Variants in CELF2 observed in about 807,000 individuals in gnomAD.
CELF2 encodes CUGBP Elav-like family member 2.
A neutral mutation model predicts 62.6 loss-of-function variants in CELF2; 8 were observed. The ratio of observed to expected loss-of-function variants is 0.13; its 90% CI spans 0.07 to 0.23. The LOEUF (loss-of-function observed/expected upper bound fraction) is 0.23. CELF2 is among the 10% of genes least tolerant of loss of function. The probability of loss-of-function intolerance (pLI) is 1.00; values close to 1 mark genes in which losing one functional copy is unlikely to be tolerated. For synonymous variants in CELF2, 258 were observed against 250.0 expected (o/e 1.03, Z -0.30); for missense variants, 333 against 671.0 (o/e 0.50, Z 5.56).
intron 8 of CELF2, among the ~76,000 whole-genome samples, chr10:11,276,138 T>C (rs1185478508): frequency 6.6e-6 from 1 of 152,182 alleles, no homozygotes; most frequent in Non-Finnish European, 1.5e-5. Context: ...CCTTGGGGTT[T>C]GTTTATTTTT....
At chr10:10,690,040 A>G in the CELF2 span, among the ~76,000 whole-genome samples, 1 of 152,208 alleles carries the variant, frequency 6.6e-6, no homozygotes, top group Non-Finnish European at 1.5e-5. Flanking sequence ...GTGGAACATA[A>G]GCTATAATGT....
intron 1 of CELF2, among the ~76,000 whole-genome samples, chr10:11,119,868 C>CCCCCCA (rs1564820249): frequency 7.6e-6 from 1 of 130,770 alleles, no homozygotes; most frequent in Non-Finnish European, 1.7e-5. Context: ...TCCGCCTCCC[C>CCCCCCA]CCCCCCGGCC....
intron 1 of CELF2, among the ~76,000 whole-genome samples, chr10:10,802,507 C>T (rs149093145): frequency 1.1e-4 from 17 of 152,170 alleles, no homozygotes; most frequent in African/African-American, 4.1e-4. Context: ...TAAACTTGAA[C>T]ATATGCTGAG....
the CELF2 span, among the ~76,000 whole-genome samples, chr10:10,695,050 T>G: frequency 6.6e-6 from 1 of 150,544 alleles, no homozygotes; most frequent in Non-Finnish European, 1.5e-5. Flanking sequence ...CCTGTCATTA[T>G]GATGTTAGCT....
intron 1 of CELF2, among the ~76,000 whole-genome samples, chr10:10,877,318 G>A (rs1478669520): frequency 6.6e-6 from 1 of 152,264 alleles, no homozygotes; most frequent in Non-Finnish European, 1.5e-5. Flanking sequence ...TGCCCAAGGT[G>A]ATCAGAGCAC....
At chr10:11,025,239 G>GTGTATATATATATATA (rs61580670) in intron 1 of CELF2, among the ~76,000 whole-genome samples, 20,978 of 140,718 alleles carry the variant, frequency 0.15, 2,444 homozygotes, top group East Asian at 0.58. Context: ...GTGTGTGTGT[G>GTGTATATATATATATA]TATATGTATG....
At chr10:10,628,163 C>A in the CELF2 span, among the ~76,000 whole-genome samples, 1 of 152,152 alleles carries the variant, frequency 6.6e-6, no homozygotes, top group African/African-American at 2.4e-5. Flanking sequence ...CTTGGGCTCC[C>A]AAAGTGCTGA....
chr10:10,507,544 T>C, the CELF2 span, among the ~76,000 whole-genome samples: 7 of 152,156 alleles, frequency 4.6e-5, no homozygotes, highest in African/African-American at 7.2e-5. Flanking sequence ...CCAGAGGATA[T>C]AGTAGGGATT....
chr10:10,736,800 C>A, the CELF2 span, among the ~76,000 whole-genome samples: 1 of 151,930 alleles, frequency 6.6e-6, no homozygotes, highest in Admixed American at 6.6e-5. Context: ...ATGAGAACAC[C>A]AACACCAATC....
At chr10:11,143,750 T>C (rs2061755403) in intron 1 of CELF2, among the ~76,000 whole-genome samples, 1 of 152,270 alleles carries the variant, frequency 6.6e-6, no homozygotes, top group African/African-American at 2.4e-5. Flanking sequence ...ACCTTTTCAG[T>C]GTTCTGCCAA....
chr10:11,211,908 C>A lies in CELF2; in HGVS notation c.272-5517C>A, dbSNP rs931457463. 1.3e-5 allele frequency among the ~76,000 whole-genome samples: 2 copies of A among 149,420 alleles called. No individual in the cohort carries two copies. The highest frequency in any genetic ancestry group is 3.0e-5 in the Non-Finnish European group (2 of 67,426). ...CTTTGGAAACAGCAAAAATCTCATA[C>A]CAGTGTCTCAAATTATCTAACAGTT... On this transcript the variant is annotated intron_variant, in intron 2 of 12. Transcript: ENST00000633077. The surrounding 1 kb of genome is among the most constrained non-coding windows in gnomAD (Gnocchi z 4.8).
intron 8 of CELF2, among the ~76,000 whole-genome samples, chr10:11,284,867 G>A (rs1464978010): frequency 1.3e-5 from 2 of 150,478 alleles, no homozygotes; most frequent in Non-Finnish European, 3.0e-5. Flanking sequence ...TGAGTGGATG[G>A]ATGGATAGTT....
At chr10:11,081,271 C>T (rs1248567466) in intron 1 of CELF2, among the ~76,000 whole-genome samples, 2 of 152,022 alleles carry the variant, frequency 1.3e-5, no homozygotes, top group African/African-American at 4.8e-5. Flanking sequence ...TTCTATTACC[C>T]AGGTTGGCAA....
chr10:10,470,523 G>A, the CELF2 span, among the ~76,000 whole-genome samples: 1 of 151,688 alleles, frequency 6.6e-6, no homozygotes, highest in Non-Finnish European at 1.5e-5. Context: ...ATCAGCTGAG[G>A]GTCATTCTCA....
At chr10:10,802,978 C>T (rs1273140317) in intron 1 of CELF2, among the ~76,000 whole-genome samples, 2 of 152,184 alleles carry the variant, frequency 1.3e-5, no homozygotes, top group African/African-American at 4.8e-5. Flanking sequence ...TAGCCAGGTA[C>T]TCAAACTGGA....
At chr10:10,820,390 A>T (rs186482308) in intron 1 of CELF2, among the ~76,000 whole-genome samples, 1 of 152,156 alleles carries the variant, frequency 6.6e-6, no homozygotes, top group Non-Finnish European at 1.5e-5. Flanking sequence ...ACTTTGATCA[A>T]TGACTTCCAC....
At chr10:11,065,769 G>T (rs1445416194) in intron 1 of CELF2, among the ~76,000 whole-genome samples, 1 of 152,166 alleles carries the variant, frequency 6.6e-6, no homozygotes, top group Non-Finnish European at 1.5e-5. Flanking sequence ...AACTTACTTA[G>T]AAGGTACTAT....
chr10:10,823,592 A>G (rs1299906576), intron 1 of CELF2, among the ~76,000 whole-genome samples: 1 of 149,626 alleles, frequency 6.7e-6, no homozygotes, highest in East Asian at 2.0e-4. Context: ...ACAAAAAAAA[A>G]TAGAATGGCT....
intron 2 of CELF2, among the ~76,000 whole-genome samples, chr10:10,973,090 G>C (rs894055055): frequency 6.6e-6 from 1 of 151,836 alleles, no homozygotes; most frequent in Non-Finnish European, 1.5e-5. Context: ...AGGAGTTCGA[G>C]ACCAGCCTGG....
Sources: gnomAD v4.1 joint callset for allele counts (sites outside exome capture counted in the v4.1 genomes callset) on GRCh38, gnomAD v4.1.1 for gene constraint, Gnocchi (gnomAD v3.1) non-coding constraint, MANE v1.5 for transcripts, NCBI Gene and HGNC (gene_info 2026-07-23, HGNC 2026-07-21) for gene names.